The following DMXL2 variants were observed in gnomAD, a reference collection of about 807,000 sequenced individuals.
DMXL2 encodes the protein Dmx like 2.
A neutral mutation model predicts 331.1 loss-of-function variants in DMXL2; 103 were observed. The ratio of observed to expected loss-of-function variants is 0.31; its 90% confidence interval spans 0.27 to 0.37. The LOEUF is 0.37. Among genes scored for constraint, DMXL2 ranks in the 10% least tolerant of loss-of-function variants. DMXL2 has a pLI of 1.00. For missense variants in DMXL2, 3,171 were observed against 3,642.9 expected, an observed-to-expected ratio of 0.87 and a Z score of 3.33; for synonymous variants, 1,281 against 1,252.1, an observed-to-expected ratio of 1.02 and a Z score of -0.49.
intron 6 of DMXL2, among the ~76,000 whole-genome samples, chr15:51,562,649 T>C (rs186263375): frequency 2.8e-4 from 42 of 152,136 alleles, no homozygotes; most frequent in Admixed American, 1.0e-3. Flanking sequence ...ATTAGGTATA[T>C]AGAAAAAAAA....
chr15:51,603,128 A>G (rs2053345382), intron 1 of DMXL2, among the ~76,000 whole-genome samples: 1 of 152,220 alleles, frequency 6.6e-6, no homozygotes. Context: ...GAAACAATAA[A>G]AAAGCAGATA....
Position 51,536,377 on chromosome 15 carries a change from A to T in DMXL2, c.2103T>A (p.Gly701=). 6.2e-7 allele frequency: 1 copy of T among 1,613,542 alleles called. No individual in the cohort carries two copies. The highest frequency in any genetic ancestry group is 8.5e-7 in the Non-Finnish European group (1 of 1,179,808). The change falls in exon 12 of 44, where the codon GGT becomes GGA. Residue 701 remains glycine (G), a synonymous_variant. Coordinates refer to ENST00000560891, the MANE Select transcript of DMXL2 (RefSeq NM_001378457.1). ...CATTTCTAAGAGGTTGTTTCGAGGA[A>T]CCTTTTATATGTTTTACAGGGTCCA... ...RLMDPVKHIK[G]SSKQPLRNAA...
At chr15:51,589,930 T>C (rs1305799260) in intron 1 of DMXL2, among the ~76,000 whole-genome samples, 2 of 152,182 alleles carry the variant, frequency 1.3e-5, no homozygotes. Context: ...CACCATTATG[T>C]AAAGCAATAA....
intron 16 of DMXL2, among the ~76,000 whole-genome samples, chr15:51,505,230 G>T (rs1340725013): frequency 6.6e-6 from 1 of 152,184 alleles, no homozygotes; most frequent in Non-Finnish European, 1.5e-5. Context: ...GCAAAGATTA[G>T]AACAAAAAGA....
At chr15:51,580,169 G>A (rs1487038500) in intron 1 of DMXL2, among the ~76,000 whole-genome samples, 1 of 152,158 alleles carries the variant, frequency 6.6e-6, no homozygotes, top group African/African-American at 2.4e-5. Flanking sequence ...TTACTCAAAA[G>A]ATTCCCATTC....
chr15:51,497,154 G>C (rs2043240993), intron 18 of DMXL2, among the ~76,000 whole-genome samples: 1 of 152,090 alleles, frequency 6.6e-6, no homozygotes, highest in African/African-American at 2.4e-5. Context: ...ACCTCATAAT[G>C]GTTAAGATTT....
At chr15:51,510,418 CAG>C (rs1278623661) in intron 15 of DMXL2, among the ~76,000 whole-genome samples, 1 of 152,126 alleles carries the variant, frequency 6.6e-6, no homozygotes, top group South Asian at 2.1e-4. Flanking sequence ...CAATAACAGA[CAG>C]AGAGCCAAAT....
intron 1 of DMXL2, among the ~76,000 whole-genome samples, chr15:51,582,688 T>TACTA (rs75683907): frequency 1.3e-5 from 2 of 151,686 alleles, no homozygotes; most frequent in Non-Finnish European, 2.9e-5. Context: ...TAGGTTTCCT[T>TACTA]AATACGTTCC....
chr15:51,566,044 A>G (rs1239234877), intron 3 of DMXL2, among the ~76,000 whole-genome samples: 2 of 152,088 alleles, frequency 1.3e-5, no homozygotes, highest in Non-Finnish European at 2.9e-5. Flanking sequence ...CCCCATCTCT[A>G]TAAAAACTTT....
At chr15:51,489,143 G>A (rs2042610913) in intron 20 of DMXL2, among the ~76,000 whole-genome samples, 1 of 152,128 alleles carries the variant, frequency 6.6e-6, no homozygotes, top group African/African-American at 2.4e-5. Context: ...ATGTTATATT[G>A]TATGCAATCA....
intron 1 of DMXL2, among the ~76,000 whole-genome samples, chr15:51,602,045 T>G (rs958485849): frequency 6.7e-6 from 1 of 149,348 alleles, no homozygotes. Context: ...TCTCTCCCAC[T>G]TGATGCAGCC....
At chr15:51,557,858 C>T (rs1827828378) in intron 6 of DMXL2, among the ~76,000 whole-genome samples, 1 of 152,218 alleles carries the variant, frequency 6.6e-6, no homozygotes, top group South Asian at 2.1e-4. Flanking sequence ...CAAATCACAT[C>T]TAAACATTAT....
At chr15:51,596,507 G>C (rs2052818316) in intron 1 of DMXL2, among the ~76,000 whole-genome samples, 1 of 152,244 alleles carries the variant, frequency 6.6e-6, no homozygotes, top group African/African-American at 2.4e-5. Flanking sequence ...GTGGAAGTCA[G>C]TGTGGCAATT....
chr15:51,564,341 TA>T (rs2050142715), intron 4 of DMXL2, 81 bp from the exon 5 acceptor site: 5 of 1,098,060 alleles, frequency 4.6e-6, no homozygotes, highest in Non-Finnish European at 5.0e-6. Flanking sequence ...TTTAGATCTG[TA>T]AACTATTAAT....
At chr15:51,497,052 T>C (rs1171648594) in intron 18 of DMXL2, among the ~76,000 whole-genome samples, 1 of 152,202 alleles carries the variant, frequency 6.6e-6, no homozygotes, top group Non-Finnish European at 1.5e-5. Flanking sequence ...CATGCCTACT[T>C]TCTTAATGTC....
At chr15:51,620,750 CT>C (rs2054573964) in intron 1 of DMXL2, among the ~76,000 whole-genome samples, 1 of 152,158 alleles carries the variant, frequency 6.6e-6, no homozygotes, top group African/African-American at 2.4e-5. Context: ...GTCAACTAGA[CT>C]TCGTGAAACG....
chr15:51,565,246 T>A (rs564554024), intron 3 of DMXL2, 80 bp from the exon 4 acceptor site: 14 of 819,556 alleles, frequency 1.7e-5, no homozygotes, highest in Non-Finnish European at 2.2e-5. Context: ...TACCATTTTA[T>A]CATTTTCTTC....
At chr15:51,575,245 T>G (rs1452808720) in intron 2 of DMXL2, among the ~76,000 whole-genome samples, 2 of 152,198 alleles carry the variant, frequency 1.3e-5, no homozygotes, top group Admixed American at 6.6e-5. Flanking sequence ...TAAATTTGTA[T>G]GATTACTATT....
In DMXL2 at chr15:51,481,581, T is replaced by A. The variant is rs777679222; in HGVS notation, c.5525A>T (p.Asn1842Ile). 1.3e-6 allele frequency: 2 copies of A among 1,577,168 alleles called. No individual in the cohort carries two copies. The highest frequency in any genetic ancestry group is 1.7e-6 in the Non-Finnish European group (2 of 1,166,536). ...SCNPVAFSFYNYLRTHPLLIR... is the reference protein window; with the variant it reads ...SCNPVAFSFYIYLRTHPLLIR... The stretch of plus-strand genomic sequence containing the variant: ...GAGCAAAGGATGAGTTCGAAGGTAG[T>A]TATAAAAACTAAATGCCACCGGGTT... The change falls in exon 24 of 44, where the codon AAC (asparagine) becomes ATC (isoleucine). Residue 1842 changes from asparagine (N) to isoleucine (I), a missense_variant. Coordinates refer to ENST00000560891, the MANE Select transcript of DMXL2 (RefSeq NM_001378457.1).
Sources: allele counts gnomAD v4.1 joint callset (sites outside exome capture counted in the v4.1 genomes callset), GRCh38; gene constraint gnomAD v4.1.1; transcripts MANE v1.5; gene names NCBI Gene and HGNC (gene_info 2026-07-23, HGNC 2026-07-21).